The following INTS8 variants were observed in gnomAD, a reference collection of about 807,000 sequenced individuals.
The protein encoded by INTS8 is integrator complex subunit 8.
A neutral mutation model predicts 138.9 loss-of-function variants in INTS8; 47 were observed. The observed-to-expected ratio is 0.34, with a 90% CI of 0.27 to 0.43. INTS8 has a LOEUF of 0.43. INTS8 is among the 20% of genes least tolerant of loss of function. INTS8 has a pLI of 1.00. For synonymous variants in INTS8, 392 were observed against 400.9 expected (o/e 0.98, Z 0.27); for missense variants, 996 against 1,173.0 (o/e 0.85, Z 2.20).
At chr8:94,825,164 C>G in intron 2 of INTS8, 97 bp downstream of exon 2, 1 of 862,428 alleles carries the variant, frequency 1.2e-6, no homozygotes, top group Non-Finnish European at 1.8e-6. Context: ...TTAAAAATTA[C>G]GTGCTGGGCG....
At chr8:94,844,592 C>T (rs909302125) in intron 10 of INTS8, among the ~76,000 whole-genome samples, 2 of 152,160 alleles carry the variant, frequency 1.3e-5, no homozygotes, top group African/African-American at 4.8e-5. Context: ...CCTGGGATTA[C>T]AGGCATGAGC....
chr8:94,834,698 C>T (rs1300640351), intron 6 of INTS8, among the ~76,000 whole-genome samples: 3 of 138,580 alleles, frequency 2.2e-5, no homozygotes, highest in Non-Finnish European at 3.1e-5. Flanking sequence ...AGTGAAACTC[C>T]ATCTCAAAAA....
At position 94,880,061 on chromosome 8, in the gene INTS8, C is replaced by G. The variant is rs1344874695; in HGVS notation, c.2872-57C>G. 3.4e-6 allele frequency: 4 copies of G among 1,187,970 alleles called. No individual in the cohort carries two copies. In the East Asian group the frequency reaches 9.5e-5, roughly 28 times the overall value. The allele number at this position is 1,187,970 out of a possible 1,614,324, so 73.6% of individuals were successfully genotyped here. On this transcript the variant is annotated intron_variant, in intron 26 of 26. Transcript: ENST00000523731. ...CGTAGGTAGCTTTATATTACTTGTACCAACAAAACTTAATTTTTGACACAC... is the reference window on the plus strand; with the variant it reads ...CGTAGGTAGCTTTATATTACTTGTAGCAACAAAACTTAATTTTTGACACAC...
In INTS8 at chr8:94,849,541, C is replaced by T. The variant is rs1287176051; in HGVS notation, c.1331+9C>T. On this transcript the variant is annotated intron_variant, in intron 11 of 26. Coordinates refer to ENST00000523731, the MANE Select transcript of INTS8 (RefSeq NM_017864.4). ...ATGGCTGCTTTTCTAAAGTAAGTAC[C>T]TTTCTTTTCTTTTTTCTTTTTTTTT... The T allele has an allele frequency of 6.8e-7, 1 of 1,462,320 alleles. No individual in the cohort carries two copies. Among genetic ancestry groups the T allele is most frequent in the Non-Finnish European group, 9.3e-7 (1 of 1,071,946 alleles). The allele number at this position is 1,462,320 out of a possible 1,614,324, so 90.6% of individuals were successfully genotyped here. A position where few individuals can be genotyped will look rare whatever the true frequency, so the allele number is the denominator to read the frequency against.
chr8:94,854,174 C>T (rs1815658906), intron 14 of INTS8, among the ~76,000 whole-genome samples: 1 of 144,404 alleles, frequency 6.9e-6, no homozygotes. Flanking sequence ...TCATTGCACT[C>T]CGGCCTGGGT....
intron 13 of INTS8, among the ~76,000 whole-genome samples, chr8:94,852,717 T>C (rs1815593082): frequency 6.6e-6 from 1 of 151,370 alleles, no homozygotes; most frequent in South Asian, 2.1e-4. Context: ...GCCTCCCGAG[T>C]AGCTGGGATT....
intron 5 of INTS8, among the ~76,000 whole-genome samples, chr8:94,829,890 A>G (rs928649268): frequency 6.6e-6 from 1 of 152,198 alleles, no homozygotes; most frequent in Non-Finnish European, 1.5e-5. Flanking sequence ...TTTATAATAA[A>G]TTACAGCAGT....
intron 8 of INTS8, 53 bp downstream of exon 8, chr8:94,838,671 G>A (rs1446167090): frequency 2.7e-6 from 4 of 1,472,326 alleles, no homozygotes; most frequent in Non-Finnish European, 3.8e-6. Flanking sequence ...ACAAAACTAA[G>A]TTCAAATCCT....
rs776895977 is a variant in INTS8 at position 94,881,613 on chromosome 8, G to A, written c.*1379G>A. 2 of 1,609,220 alleles carry A rather than the reference G, an allele frequency of 1.2e-6. No individual in the cohort carries two copies. Among genetic ancestry groups the A allele is most frequent in the South Asian group, 1.1e-5 (1 of 90,620 alleles). On this transcript the variant is annotated 3_prime_UTR_variant, in exon 27 of 27. Transcript: ENST00000523731. ...ACCCAATCTTGGTGAATTCCAACTT[G>A]TTTGCTTAGTTATCTTCTTTAGTGT...
chr8:94,839,811 G>A (rs566748131), intron 8 of INTS8, among the ~76,000 whole-genome samples: 3 of 152,118 alleles, frequency 2.0e-5, no homozygotes, highest in South Asian at 4.1e-4. Flanking sequence ...TGGGAGGATC[G>A]CTTGAGTCCA....
intron 20 of INTS8, among the ~76,000 whole-genome samples, chr8:94,869,457 C>G (rs1816307597): frequency 1.3e-5 from 2 of 151,978 alleles, no homozygotes; most frequent in African/African-American, 4.8e-5. Context: ...GCCACCACAC[C>G]TGGCTAATTT....
intron 23 of INTS8, among the ~76,000 whole-genome samples, chr8:94,875,638 AC>A (rs1301276116): frequency 6.6e-6 from 1 of 152,186 alleles, no homozygotes; most frequent in Non-Finnish European, 1.5e-5. Flanking sequence ...ATTAATAAAA[AC>A]TATTTTTTAA....
Position 94,823,320 on chromosome 8 carries a change from CG to C in INTS8, c.-110del. Reference sequence around the variant, plus strand: ...GGATTGTGTGAGTTTCCGGGACGTTCGGAGGGTGGCCTCTCTCCCACCGGGT... The same window carrying C: ...GGATTGTGTGAGTTTCCGGGACGTTCGAGGGTGGCCTCTCTCCCACCGGGT... On this transcript the variant is annotated 5_prime_UTR_variant, in exon 1 of 27. Transcript: ENST00000523731. 2.0e-6 allele frequency: 3 copies of C among 1,518,240 alleles called. No individual in the cohort carries two copies. The highest frequency in any genetic ancestry group is 2.6e-6 in the Non-Finnish European group (3 of 1,137,404). The allele number at this position is 1,518,240 out of a possible 1,614,324, so 94.0% of individuals were successfully genotyped here.
At chr8:94,861,504 G>A (rs1157997236) in intron 16 of INTS8, among the ~76,000 whole-genome samples, 1 of 151,892 alleles carries the variant, frequency 6.6e-6, no homozygotes, top group Admixed American at 6.5e-5. Context: ...CTCGTGATCT[G>A]CCCGCCTTGG....
At chr8:94,871,279 C>G (rs1253713011) in intron 20 of INTS8, among the ~76,000 whole-genome samples, 1 of 146,542 alleles carries the variant, frequency 6.8e-6, no homozygotes, top group Non-Finnish European at 1.5e-5. Flanking sequence ...CCAGCCTGGC[C>G]AACATGGTGA....
At chr8:94,831,244 G>A (rs1814700992) in intron 5 of INTS8, among the ~76,000 whole-genome samples, 1 of 151,886 alleles carries the variant, frequency 6.6e-6, no homozygotes, top group African/African-American at 2.4e-5. Flanking sequence ...CTCCCTAGTA[G>A]CTGGGATTAC....
intron 14 of INTS8, among the ~76,000 whole-genome samples, chr8:94,856,467 G>A (rs1485974894): frequency 6.6e-6 from 1 of 152,148 alleles, no homozygotes; most frequent in Non-Finnish European, 1.5e-5. Flanking sequence ...ATGGAGGAGG[G>A]TGCTTGTTAT....
In INTS8 at chr8:94,876,244, A is replaced by G. The variant is rs756143349; in HGVS notation, c.2786A>G (p.Tyr929Cys). 3 of 1,612,724 alleles carry G rather than the reference A, an allele frequency of 1.9e-6. No individual in the cohort carries two copies. Among genetic ancestry groups the G allele is most frequent in the East Asian group, 2.2e-5 (1 of 44,766 alleles). Reference sequence around the variant, plus strand: ...AGTCATGATGCTATGGACTCCTACTACGACTACATATGGGATGTTACCATT... The same window carrying G: ...AGTCATGATGCTATGGACTCCTACTGCGACTACATATGGGATGTTACCATT... ...QNSHDAMDSYYDYIWDVTILE... is the reference protein window; with the variant it reads ...QNSHDAMDSYCDYIWDVTILE... The change falls in exon 25 of 27, where the codon TAC becomes TGC. Residue 929 changes from tyrosine (Y) to cysteine (C), a missense_variant. Coordinates refer to ENST00000523731, the MANE Select transcript of INTS8 (RefSeq NM_017864.4).
At chr8:94,867,112 T>C (rs758287319) in intron 18 of INTS8, 28 bp from the exon 19 acceptor site, 15 of 1,544,290 alleles carry the variant, frequency 9.7e-6, no homozygotes, top group African/African-American at 1.4e-5. Flanking sequence ...ATACACTGTT[T>C]AAGGATTCTG....
Sources: allele counts gnomAD v4.1 joint callset (sites outside exome capture counted in the v4.1 genomes callset), GRCh38; gene constraint gnomAD v4.1.1; transcripts MANE v1.5; gene names NCBI Gene and HGNC (gene_info 2026-07-23, HGNC 2026-07-21).